Variants in SLC2A9 observed in about 807,000 individuals in gnomAD.
The protein encoded by SLC2A9 is solute carrier family 2, facilitated glucose transporter member 9.
Under a neutral mutation model 50.6 loss-of-function variants are expected in SLC2A9, and 39 were observed. The observed-to-expected ratio is 0.77, with a 90% CI of 0.60 to 1.01. The LOEUF is 1.01. Among genes scored for constraint, SLC2A9 ranks in the 50% least tolerant of loss-of-function variants. SLC2A9 has a pLI of 0.00. For synonymous variants in SLC2A9, 324 were observed against 276.9 expected, an observed-to-expected ratio of 1.17 and a Z score of -1.69; for missense variants, 686 against 677.6, an observed-to-expected ratio of 1.01 and a Z score of -0.14.
At chr4:9,816,943 C>T (rs760633769) in intron 3 of SLC2A9, among the ~76,000 whole-genome samples, 3 of 152,262 alleles carry the variant, frequency 2.0e-5, no homozygotes, top group Non-Finnish European at 2.9e-5. Flanking sequence ...GACGCAACAC[C>T]TTGGAATCTT....
chr4:9,987,399 C>T (rs1377598252), intron 3 of SLC2A9, among the ~76,000 whole-genome samples: 1 of 152,192 alleles, frequency 6.6e-6, no homozygotes, highest in African/African-American at 2.4e-5. Context: ...GGATTACAGG[C>T]GTGAGCCACT....
At chr4:9,867,259 T>C (rs1732640816) in intron 10 of SLC2A9, among the ~76,000 whole-genome samples, 1 of 152,150 alleles carries the variant, frequency 6.6e-6, no homozygotes, top group African/African-American at 2.4e-5. Context: ...TTAAAGCTGC[T>C]AAAGAAGAAA....
intron 10 of SLC2A9, among the ~76,000 whole-genome samples, chr4:9,851,077 C>T (rs574026794): frequency 1.3e-5 from 2 of 152,184 alleles, no homozygotes; most frequent in African/African-American, 4.8e-5. Flanking sequence ...CCACCCCAGG[C>T]AATGCACGTG....
At chr4:10,024,614 A>G (rs1763693405), upstream of SLC2A9, among the ~76,000 whole-genome samples, 1 of 152,190 alleles carries the variant, frequency 6.6e-6, no homozygotes, top group African/African-American at 2.4e-5. Flanking sequence ...TGCCCAGTCT[A>G]TGGGACTTTG....
chr4:9,945,531 A>T (rs1474801406), intron 5 of SLC2A9, among the ~76,000 whole-genome samples: 2 of 152,198 alleles, frequency 1.3e-5, no homozygotes, highest in Non-Finnish European at 2.9e-5. Context: ...GAGGGGTTCA[A>T]TAGCTCATTG....
In SLC2A9 at chr4:9,983,292, T is replaced by G. The variant is rs1032731274; in HGVS notation, c.535+2377A>C. ...TGGTCCCTGATTTGTACCCCCTCCC[T>G]GGATCGACATCCTTGGGGAGTTAGT... On this transcript the variant is annotated intron_variant, in intron 4 of 11. Transcript: ENST00000264784. Among the ~76,000 whole-genome samples, 12 of 152,356 alleles carry G rather than the reference T, an allele frequency of 7.9e-5. No individual in the cohort carries two copies. The South Asian group carries it at 2.1e-3, about 26-fold the overall frequency.
At chr4:10,004,177 T>A (rs1386736205) in intron 2 of SLC2A9, among the ~76,000 whole-genome samples, 4 of 152,218 alleles carry the variant, frequency 2.6e-5, no homozygotes, top group Admixed American at 6.5e-5. Flanking sequence ...TAAGTATGTA[T>A]CAGACATTTG....
intron 2 of SLC2A9, among the ~76,000 whole-genome samples, chr4:10,009,960 GA>G (rs1761478084): frequency 6.6e-6 from 1 of 152,214 alleles, no homozygotes; most frequent in Admixed American, 6.5e-5. Flanking sequence ...TGTAGCCTGT[GA>G]ATTCTTGGGA....
chr4:9,850,479 C>A (rs1256864833), intron 10 of SLC2A9, among the ~76,000 whole-genome samples: 1 of 152,112 alleles, frequency 6.6e-6, no homozygotes, highest in Admixed American at 6.5e-5. Flanking sequence ...ATTCTGAATG[C>A]CCCCCATCTG....
intron 3 of SLC2A9, among the ~76,000 whole-genome samples, chr4:9,787,464 T>C (rs1409064421): frequency 6.6e-6 from 1 of 152,254 alleles, no homozygotes; most frequent in Admixed American, 6.5e-5. Context: ...AATGTTTCAC[T>C]GTATCACTTA....
chr4:9,917,325 CTTTTTT>C (rs55927201), intron 7 of SLC2A9, among the ~76,000 whole-genome samples: 16 of 81,798 alleles, frequency 2.0e-4, no homozygotes, highest in Admixed American at 1.8e-3. Context: ...TTCTTTTTTC[CTTTTTT>C]TTTTTTTTTT....
chr4:10,011,922 G>C, intron 2 of SLC2A9, among the ~76,000 whole-genome samples: 1 of 152,202 alleles, frequency 6.6e-6, no homozygotes, highest in Non-Finnish European at 1.5e-5. Flanking sequence ...GAATCTACAA[G>C]AGCCTCCTCC....
At chr4:9,936,655 G>A (rs79704809) in intron 6 of SLC2A9, among the ~76,000 whole-genome samples, 2,100 of 152,304 alleles carry the variant, frequency 0.014, 22 homozygotes, top group Middle Eastern at 0.054. Context: ...CTACAGAAGG[G>A]GCGGGAAGGC....
At chr4:9,996,417 A>C (rs1238917635) in intron 3 of SLC2A9, among the ~76,000 whole-genome samples, 1 of 152,154 alleles carries the variant, frequency 6.6e-6, no homozygotes, top group Non-Finnish European at 1.5e-5. Flanking sequence ...GGATGGCAAC[A>C]TGACTTCCTG....
rs200703718 is a variant in SLC2A9 at position 9,887,646 on chromosome 4, G to C, written c.1216-4C>G. 6.6e-7 allele frequency: 1 copy of C among 1,523,812 alleles called. No homozygotes were observed. Among genetic ancestry groups the C allele is most frequent in the East Asian group, 2.5e-5 (1 of 40,368 alleles). The allele number at this position is 1,523,812 out of a possible 1,614,324, so 94.4% of individuals were successfully genotyped here. ...AGGGGACCCAGGGGGCGTGGTCCTG[G>C]GAGAGAACAGGGAGTGGTCAGGTGA... On this transcript the variant is annotated splice_polypyrimidine_tract_variant and splice_region_variant and intron_variant, in intron 9 of 11. Coordinates refer to ENST00000264784, the MANE Select transcript of SLC2A9 (RefSeq NM_020041.3).
chr4:9,992,615 G>A (rs1455471238), intron 3 of SLC2A9, among the ~76,000 whole-genome samples: 3 of 152,232 alleles, frequency 2.0e-5, no homozygotes, highest in African/African-American at 7.2e-5. Context: ...CCACCAAGCT[G>A]GGCCCATCTT....
intron 6 of SLC2A9, among the ~76,000 whole-genome samples, chr4:9,939,658 G>C (rs1264498501): frequency 6.6e-6 from 1 of 151,972 alleles, no homozygotes; most frequent in Admixed American, 6.6e-5. Flanking sequence ...TTGTTGTGAT[G>C]ATTTAATGAG....
chr4:9,961,457 G>T (rs1752256259), intron 5 of SLC2A9, among the ~76,000 whole-genome samples: 1 of 152,182 alleles, frequency 6.6e-6, no homozygotes, highest in Non-Finnish European at 1.5e-5. Context: ...ATGGGGAAAG[G>T]ATTCTGTATT....
chr4:9,825,718 C>T (rs991493321), downstream of SLC2A9, among the ~76,000 whole-genome samples: 7 of 152,166 alleles, frequency 4.6e-5, no homozygotes, highest in Admixed American at 6.6e-5. Context: ...GTGAGGACAG[C>T]GTCAGCCCTG....
Sources: gnomAD v4.1 joint callset for allele counts (sites outside exome capture counted in the v4.1 genomes callset) on GRCh38, gnomAD v4.1.1 for gene constraint, MANE v1.5 for transcripts, NCBI Gene and HGNC (gene_info 2026-07-23, HGNC 2026-07-21) for gene names.